PCDH11X: variants seen among roughly 807,000 people sequenced by gnomAD.
The protein encoded by PCDH11X is protocadherin-11 X-linked.
In PCDH11X, 18 loss-of-function variants were observed where a neutral mutation model predicts 53.3. The observed-to-expected ratio is 0.34, with a 90% CI of 0.23 to 0.50. PCDH11X has a LOEUF of 0.50. Ranked by LOEUF, PCDH11X falls within the 20% of genes least tolerant of loss-of-function variation. PCDH11X has a pLI of 0.98. For synonymous variants in PCDH11X, 279 were observed against 393.3 expected, an observed-to-expected ratio of 0.71 and a Z score of 3.44; for missense variants, 570 against 1,032.4, an observed-to-expected ratio of 0.55 and a Z score of 6.14.
At chrX:92,615,526 A>T in intron 10 of PCDH11X, among the ~76,000 whole-genome samples, 1 of 111,740 alleles carries the variant, frequency 8.9e-6, no homozygotes, top group Admixed American at 9.5e-5. Flanking sequence ...AGGGGAGTGT[A>T]AAATTCTGGT....
intron 6 of PCDH11X, among the ~76,000 whole-genome samples, chrX:91,987,141 A>G (rs2147937089): frequency 8.9e-6 from 1 of 112,053 alleles, no homozygotes; most frequent in Admixed American, 9.5e-5. Context: ...CTGGAGTGCA[A>G]TGGAGTGATC....
At chrX:92,463,621 ACTGT>A (rs1017564587) in intron 9 of PCDH11X, among the ~76,000 whole-genome samples, 31 of 111,477 alleles carry the variant, frequency 2.8e-4, no homozygotes, top group African/African-American at 1.0e-3. Flanking sequence ...GAATCGGATG[ACTGT>A]CTAAGGGCTC....
intron 6 of PCDH11X, among the ~76,000 whole-genome samples, chrX:92,006,383 T>G (rs1379808767): frequency 1.9e-5 from 2 of 106,346 alleles, no homozygotes; most frequent in Non-Finnish European, 3.9e-5. Context: ...TCAATTCTGC[T>G]AATTAAAGGA....
chrX:91,803,137 T>C (rs1227585426), intron 1 of PCDH11X, among the ~76,000 whole-genome samples: 1 of 111,982 alleles, frequency 8.9e-6, no homozygotes, highest in Non-Finnish European at 1.9e-5. Context: ...CCTATTCAAT[T>C]ACTTATTGAA....
intron 6 of PCDH11X, among the ~76,000 whole-genome samples, chrX:91,968,457 G>A (rs1602583565): frequency 9.0e-6 from 1 of 110,874 alleles, no homozygotes; most frequent in Admixed American, 9.6e-5. Flanking sequence ...GTTGGCCAAC[G>A]TCTCATGGCT....
chrX:92,389,500 C>T (rs2754890), intron 9 of PCDH11X, among the ~76,000 whole-genome samples: 10 of 110,971 alleles, frequency 9.0e-5, no homozygotes, highest in East Asian at 2.8e-4. Flanking sequence ...TTGTACATGA[C>T]GTGTTACTAA....
chrX:92,003,316 C>T (rs1434819340), intron 6 of PCDH11X, among the ~76,000 whole-genome samples: 1 of 105,971 alleles, frequency 9.4e-6, no homozygotes, highest in Non-Finnish European at 1.9e-5. Context: ...CATCAATACT[C>T]ATCAGAGATA....
At chrX:91,859,626 A>G (rs771326095) in intron 5 of PCDH11X, among the ~76,000 whole-genome samples, 57 of 107,929 alleles carry the variant, frequency 5.3e-4, no homozygotes, top group African/African-American at 1.8e-3. Context: ...TCTTGAGTTA[A>G]TTTTGGTAAA....
intron 10 of PCDH11X, among the ~76,000 whole-genome samples, chrX:92,507,852 A>T (rs2074092504): frequency 9.0e-6 from 1 of 110,892 alleles, no homozygotes; most frequent in African/African-American, 3.3e-5. Context: ...TCACTCTGTC[A>T]TCCAGGCTGG....
intron 9 of PCDH11X, among the ~76,000 whole-genome samples, chrX:92,451,877 A>G (rs1030348839): frequency 3.6e-5 from 4 of 110,554 alleles, no homozygotes; most frequent in African/African-American, 1.3e-4. Context: ...AACAATCAAA[A>G]TGTAGGAAAC....
intron 6 of PCDH11X, among the ~76,000 whole-genome samples, chrX:91,913,416 C>T (rs141509949): frequency 0.2 from 21,937 of 110,421 alleles, 2,190 homozygotes; most frequent in Admixed American, 0.47. Context: ...GAGCTGGGTA[C>T]GGCTTCTTGC....
chrX:92,305,194 A>G (rs1281127679), intron 8 of PCDH11X, among the ~76,000 whole-genome samples: 2 of 111,313 alleles, frequency 1.8e-5, no homozygotes, highest in Non-Finnish European at 3.8e-5. Flanking sequence ...ACATAGACAC[A>G]GCCTAAAAGC....
intron 7 of PCDH11X, among the ~76,000 whole-genome samples, chrX:92,243,535 G>C (rs187037600): frequency 1.6e-3 from 172 of 110,662 alleles, no homozygotes; most frequent in African/African-American, 5.2e-3. Context: ...GTAAGGTAGA[G>C]TGATTCCTTC....
At chrX:92,579,091 G>A (rs1358853741) in intron 10 of PCDH11X, among the ~76,000 whole-genome samples, 2 of 102,587 alleles carry the variant, frequency 1.9e-5, no homozygotes, top group Admixed American at 1.1e-4. Flanking sequence ...TTTCTGGCTT[G>A]TAGAGTTATC....
chrX:91,982,932 C>T (rs1602615738), intron 6 of PCDH11X: 2 of 1,097,951 alleles, frequency 1.8e-6, no homozygotes, highest in East Asian at 6.0e-5. Flanking sequence ...AATGAGGCCA[C>T]CAAACTCTGT....
rs752204092 is a variant in PCDH11X, at chrX:92,609,392, A to G, written c.3368-8872A>G. Among the ~76,000 whole-genome samples, 10 of 111,360 alleles carry G rather than the reference A, an allele frequency of 9.0e-5. No individual in the cohort carries two copies. In the South Asian group the frequency reaches 3.7e-3, roughly 42 times the overall value. ...CAGCAGCATCAATTGAAGATTCTAG[A>G]TGTTTGGAATACTTACCAGCACTTG... On this transcript the variant is annotated intron_variant, in intron 10 of 10. Transcript: ENST00000682573.
intron 6 of PCDH11X, among the ~76,000 whole-genome samples, chrX:91,920,555 T>A (rs1457170580): frequency 9.1e-6 from 1 of 110,081 alleles, no homozygotes; most frequent in Non-Finnish European, 1.9e-5. Flanking sequence ...GGAGTAAGAG[T>A]CAAGCAGAGA....
At chrX:92,553,358 A>G (rs1373708512) in intron 10 of PCDH11X, among the ~76,000 whole-genome samples, 1 of 108,947 alleles carries the variant, frequency 9.2e-6, no homozygotes, top group East Asian at 2.9e-4. Flanking sequence ...TCCAATTTAT[A>G]GGCATATAGT....
At chrX:92,499,852 TGAAAGAAAGAAAGAA>T (rs1351718525) in intron 10 of PCDH11X, among the ~76,000 whole-genome samples, 1 of 103,841 alleles carries the variant, frequency 9.6e-6, no homozygotes, top group Non-Finnish European at 2.0e-5. Flanking sequence ...AAAGAATGAA[TGAAAGAAAGAAAGAA>T]GAAAGAAAGA....
Sources: gnomAD v4.1 joint callset for allele counts (sites outside exome capture counted in the v4.1 genomes callset) on GRCh38, gnomAD v4.1.1 for gene constraint, MANE v1.5 for transcripts, NCBI Gene and HGNC (gene_info 2026-07-23, HGNC 2026-07-21) for gene names.